Variants in ADAMTSL1 observed in about 807,000 individuals in gnomAD.
ADAMTSL1 encodes the protein ADAMTS-like protein 1.
ADAMTSL1 carries 126 observed loss-of-function variants against 201.8 expected under a neutral mutation model. That is an observed-to-expected ratio of 0.62 (90% CI 0.54 to 0.72). ADAMTSL1 has a LOEUF of 0.72. Among genes scored for constraint, ADAMTSL1 ranks in the 30% least tolerant of loss-of-function variants. The probability of loss-of-function intolerance (pLI) is 0.00; values close to 1 mark genes in which losing one functional copy is unlikely to be tolerated. For synonymous variants in ADAMTSL1, 1,121 were observed against 903.4 expected, an observed-to-expected ratio of 1.24 and a Z score of -4.32; for missense variants, 2,679 against 2,277.8, an observed-to-expected ratio of 1.18 and a Z score of -3.59.
chr9:18,846,381 G>C (rs766554502), intron 23 of ADAMTSL1, among the ~76,000 whole-genome samples: 2 of 152,198 alleles, frequency 1.3e-5, no homozygotes, highest in Admixed American at 6.5e-5. Context: ...GGTTACCCAG[G>C]TGAGGAGAGG....
intron 2 of ADAMTSL1, among the ~76,000 whole-genome samples, chr9:18,284,541 C>G (rs59294593): frequency 0.033 from 5,075 of 152,122 alleles, 292 homozygotes; most frequent in African/African-American, 0.12. Context: ...AATGAGGAAA[C>G]AGGTGTAAAT....
chr9:18,477,864 T>G (rs1043370540), intron 1 of ADAMTSL1, among the ~76,000 whole-genome samples: 1 of 152,200 alleles, frequency 6.6e-6, no homozygotes, highest in Admixed American at 6.5e-5. Context: ...ATAACACCAT[T>G]TCTGTTGCTT....
At position 18,738,517 on chromosome 9, in the gene ADAMTSL1, C is replaced by T. The variant is rs149973225; in HGVS notation, c.2007-14781C>T. 5.0e-3 allele frequency among the ~76,000 whole-genome samples: 764 copies of T among 152,226 alleles called. 3 individuals carry two copies. Among genetic ancestry groups the T allele is most frequent in the African/African-American group, 0.017 (715 of 41,532 alleles). ...AAGAAATAGGAATTCAGCTGACCTC[C>T]GTGTGGCTGGCTTGGGGTAGAAACA... is the stretch of plus-strand genomic sequence containing the variant. On this transcript the variant is annotated intron_variant, in intron 15 of 28. Transcript: ENST00000380548.
In ADAMTSL1 at chr9:18,109,799, C is replaced by G. The variant is rs910366690; in HGVS notation, c.88-54063C>G. Reference sequence around the variant, plus strand: ...CCAGGTCTTGCAATTGCACAGTTGCCTGCAGTCCTCTGACATCTATGTGGG... The same window carrying G: ...CCAGGTCTTGCAATTGCACAGTTGCGTGCAGTCCTCTGACATCTATGTGGG... On this transcript the variant is annotated intron_variant, in intron 1 of 29. Coordinates refer to the ADAMTSL1 transcript ENST00000680146. Among the ~76,000 whole-genome samples the G allele has an allele frequency of 2.6e-5, 4 of 152,162 alleles. 1 individual carries two copies. Among genetic ancestry groups the G allele is most frequent in the Non-Finnish European group, 5.9e-5 (4 of 68,028 alleles).
Position 18,725,142 on chromosome 9 carries a change from G to A in ADAMTSL1, c.2006+3477G>A, listed in dbSNP as rs561854701. On this transcript the variant is annotated intron_variant, in intron 15 of 28. Coordinates refer to ENST00000380548, the MANE Select transcript of ADAMTSL1 (RefSeq NM_001040272.6). ...AGGATGGTCTCGATCTCCTGACCTCGTGATCTGCCCACCTCGGCCTCCCAA... is the reference window on the plus strand; with the variant it reads ...AGGATGGTCTCGATCTCCTGACCTCATGATCTGCCCACCTCGGCCTCCCAA... Among the ~76,000 whole-genome samples, 53 of 152,230 alleles carry A rather than the reference G, an allele frequency of 3.5e-4. 2 individuals carry two copies. Among genetic ancestry groups the A allele is most frequent in the African/African-American group, 1.0e-3 (43 of 41,536 alleles).
chr9:18,277,619 C>T (rs1367270145), intron 2 of ADAMTSL1, among the ~76,000 whole-genome samples: 7 of 152,148 alleles, frequency 4.6e-5, no homozygotes, highest in East Asian at 1.9e-4. Context: ...TTACCAGTTA[C>T]ATGGGCTGTT....
intron 2 of ADAMTSL1, among the ~76,000 whole-genome samples, chr9:18,514,855 G>C (rs1378551056): frequency 6.6e-6 from 1 of 152,094 alleles, no homozygotes; most frequent in Non-Finnish European, 1.5e-5. Flanking sequence ...GAGCAACTTT[G>C]CCTTGTTCCT....
At chr9:18,127,544 G>C (rs79183806) in intron 1 of ADAMTSL1, among the ~76,000 whole-genome samples, 1 of 150,846 alleles carries the variant, frequency 6.6e-6, no homozygotes, top group Admixed American at 6.6e-5. Context: ...AATAGAAGGA[G>C]AATACTAACA....
chr9:18,554,115 C>T (rs929612890), intron 3 of ADAMTSL1, among the ~76,000 whole-genome samples: 22 of 151,044 alleles, frequency 1.5e-4, no homozygotes, highest in African/African-American at 3.4e-4. Flanking sequence ...GCTTTTTATT[C>T]GACCTGAAAA....
intron 1 of ADAMTSL1, among the ~76,000 whole-genome samples, chr9:17,962,520 T>C (rs1354742540): frequency 3.3e-5 from 5 of 152,188 alleles, no homozygotes; most frequent in African/African-American, 1.2e-4. Flanking sequence ...CTGCTATCTA[T>C]GTGTAAAGAA....
At chr9:17,952,472 T>TA (rs1827764033) in intron 1 of ADAMTSL1, among the ~76,000 whole-genome samples, 1 of 152,196 alleles carries the variant, frequency 6.6e-6, no homozygotes, top group Non-Finnish European at 1.5e-5. Context: ...ACTTGCCTTC[T>TA]AGTTTATGAT....
chr9:18,315,066 G>C (rs1173685087), intron 2 of ADAMTSL1, among the ~76,000 whole-genome samples: 2 of 151,996 alleles, frequency 1.3e-5, no homozygotes, highest in Admixed American at 6.5e-5. Context: ...AAAGCAGCCT[G>C]CTTTTATTCC....
intron 3 of ADAMTSL1, among the ~76,000 whole-genome samples, chr9:18,562,051 T>C (rs945581720): frequency 6.6e-6 from 1 of 152,238 alleles, no homozygotes; most frequent in Non-Finnish European, 1.5e-5. Context: ...TGTGTGAATC[T>C]GATCCTGTCA....
At chr9:18,065,481 T>G (rs2131714253) in intron 1 of ADAMTSL1, among the ~76,000 whole-genome samples, 1 of 152,380 alleles carries the variant, frequency 6.6e-6, no homozygotes, top group East Asian at 1.9e-4. Context: ...TAAATCTGCT[T>G]ACTTTGTAAT....
chr9:18,906,244 T>C (rs1000141670), intron 27 of ADAMTSL1, among the ~76,000 whole-genome samples: 5 of 152,166 alleles, frequency 3.3e-5, no homozygotes, highest in Admixed American at 2.6e-4. Flanking sequence ...AGCCCCTCAC[T>C]CTTGTTGATC....
At chr9:18,569,577 C>T (rs1822166134) in intron 3 of ADAMTSL1, among the ~76,000 whole-genome samples, 1 of 152,086 alleles carries the variant, frequency 6.6e-6, no homozygotes, top group Non-Finnish European at 1.5e-5. Flanking sequence ...TATTTGATGG[C>T]AATTCTGGAG....
At chr9:17,920,243 T>C (rs926875512) in intron 1 of ADAMTSL1, among the ~76,000 whole-genome samples, 9 of 152,154 alleles carry the variant, frequency 5.9e-5, no homozygotes, top group African/African-American at 1.7e-4. Context: ...ATAATAACAA[T>C]CAGAGTCAGT....
chr9:18,089,297 G>A (rs12350402), intron 1 of ADAMTSL1, among the ~76,000 whole-genome samples: 16,900 of 152,200 alleles, frequency 0.11, 1,303 homozygotes, highest in African/African-American at 0.21. Flanking sequence ...AAAAAAGGAT[G>A]AGCTCATGTC....
intron 2 of ADAMTSL1, among the ~76,000 whole-genome samples, chr9:18,311,634 T>C (rs1049874673): frequency 2.0e-5 from 3 of 152,100 alleles, no homozygotes; most frequent in Non-Finnish European, 4.4e-5. Flanking sequence ...GACCATAGAA[T>C]CCTAATGGGA....
Sources: gnomAD v4.1 joint callset for allele counts (sites outside exome capture counted in the v4.1 genomes callset) on GRCh38, gnomAD v4.1.1 for gene constraint, MANE v1.5 for transcripts, NCBI Gene and HGNC (gene_info 2026-07-23, HGNC 2026-07-21) for gene names.